AGBL1: variants seen among roughly 807,000 people sequenced by gnomAD.
The protein encoded by AGBL1 is AGBL carboxypeptidase 1, also known as cytosolic carboxypeptidase 4.
Under a neutral mutation model 118.9 loss-of-function variants are expected in AGBL1, and 130 were observed. The ratio of observed to expected loss-of-function variants is 1.09; its 90% CI spans 0.95 to 1.26. AGBL1 has a LOEUF of 1.26. AGBL1 is among the 50% of genes most tolerant of loss of function. The pLI is 0.00. For missense variants in AGBL1, 1,584 were observed against 1,298.1 expected (o/e 1.22, Z -3.38); for synonymous variants, 555 against 478.9 (o/e 1.16, Z -2.08).
In AGBL1 at chr15:86,178,939, A is replaced by G. The variant is rs375797673; in HGVS notation, c.488+19913A>G. On this transcript the variant is annotated intron_variant, in intron 5 of 22. Transcript: ENST00000614907. ...GAGGGGCTCCTGGGCTCTCAATGCA[A>G]TAGAAATTGACATGGGGCCAAAGGC... Among the ~76,000 whole-genome samples the G allele has an allele frequency of 1.5e-3, 232 of 152,310 alleles. 4 individuals carry two copies. The South Asian group carries it at 0.046, about 30-fold the overall frequency.
intron 17 of AGBL1, among the ~76,000 whole-genome samples, chr15:86,305,645 C>T (rs1406798117): frequency 2.0e-5 from 3 of 152,100 alleles, no homozygotes; most frequent in Non-Finnish European, 4.4e-5. Context: ...ACTCCATATT[C>T]CTCCTATTAC....
intron 24 of AGBL1, among the ~76,000 whole-genome samples, chr15:87,026,484 A>C (rs1225246247): frequency 6.6e-6 from 1 of 152,058 alleles, no homozygotes; most frequent in Non-Finnish European, 1.5e-5. Flanking sequence ...TAATCAAAAA[A>C]TCAAAAAAAT....
chr15:86,503,373 A>G (rs1288619638), intron 18 of AGBL1, among the ~76,000 whole-genome samples: 2 of 151,224 alleles, frequency 1.3e-5, no homozygotes, highest in African/African-American at 2.4e-5. Flanking sequence ...TCAGTTTTCA[A>G]AGAACCAACT....
intron 17 of AGBL1, among the ~76,000 whole-genome samples, chr15:86,364,145 A>G (rs1567218972): frequency 6.6e-6 from 1 of 152,068 alleles, no homozygotes; most frequent in Non-Finnish European, 1.5e-5. Flanking sequence ...TCTTTTCTTC[A>G]GACGCCATCA....
chr15:86,287,336 A>T (rs553143811), intron 16 of AGBL1, among the ~76,000 whole-genome samples: 1 of 152,114 alleles, frequency 6.6e-6, no homozygotes, highest in South Asian at 2.1e-4. Context: ...TTCCTTTGCT[A>T]TGCAGATGCC....
At chr15:86,936,155 C>T (rs1477563060) in intron 23 of AGBL1, among the ~76,000 whole-genome samples, 1 of 152,218 alleles carries the variant, frequency 6.6e-6, no homozygotes, top group Non-Finnish European at 1.5e-5. Context: ...ATCTCAGCCA[C>T]ACTCGAGAGA....
intron 24 of AGBL1, among the ~76,000 whole-genome samples, chr15:86,996,059 A>C (rs1036706214): frequency 1.3e-5 from 2 of 152,060 alleles, no homozygotes; most frequent in Non-Finnish European, 2.9e-5. Context: ...TCAGCTTTGC[A>C]TTTTTTACAA....
chr15:86,702,355 G>T (rs2142650104), intron 22 of AGBL1, among the ~76,000 whole-genome samples: 1 of 152,250 alleles, frequency 6.6e-6, no homozygotes, highest in African/African-American at 2.4e-5. Context: ...TAGCAGGACA[G>T]AGATGGCCTT....
At chr15:86,468,863 C>T (rs1387475346) in intron 18 of AGBL1, among the ~76,000 whole-genome samples, 4 of 152,220 alleles carry the variant, frequency 2.6e-5, no homozygotes, top group East Asian at 1.9e-4. Context: ...GGGGAATAGA[C>T]ATTTTTGCCT....
intron 18 of AGBL1, among the ~76,000 whole-genome samples, chr15:86,501,567 T>C (rs2082917408): frequency 6.6e-6 from 1 of 151,668 alleles, no homozygotes; most frequent in Non-Finnish European, 1.5e-5. Context: ...TTCTAGGAGT[T>C]TTATAATTTT....
Position 86,224,926 on chromosome 15 carries a change from A to T in AGBL1, c.501A>T (p.Glu167Asp). 6.2e-7 allele frequency: 1 copy of T among 1,613,224 alleles called. No homozygotes were observed. The highest frequency in any genetic ancestry group is 8.5e-7 in the Non-Finnish European group (1 of 1,179,530). Residue 167 changes from glutamate to aspartate, a missense_variant, in exon 6 of 23, where the codon GAA (glutamate) becomes GAT (aspartate). Physicochemically the swap from Glu to Asp is conservative, Grantham distance 45. Coordinates refer to ENST00000614907, the MANE Select transcript of AGBL1 (RefSeq NM_001386094.1). ...KRTQAIRAAT[E>D]VLAALLKSKS... ...TCTCTTTCCCCAGGGCAGCCACTGAAGTTTTGGCAGCATTGCTGAAATCCA... is the reference window on the plus strand; with the variant it reads ...TCTCTTTCCCCAGGGCAGCCACTGATGTTTTGGCAGCATTGCTGAAATCCA...
At chr15:86,457,256 T>A (rs1420125235) in intron 18 of AGBL1, among the ~76,000 whole-genome samples, 1 of 152,192 alleles carries the variant, frequency 6.6e-6, no homozygotes, top group African/African-American at 2.4e-5. Flanking sequence ...GCATTTGGCC[T>A]GTTAGATGTG....
intron 24 of AGBL1, among the ~76,000 whole-genome samples, chr15:86,992,197 G>C (rs1326887829): frequency 6.6e-6 from 1 of 151,888 alleles, no homozygotes; most frequent in Non-Finnish European, 1.5e-5. Context: ...TAAACAACCA[G>C]ATCTCATGTG....
intron 1 of AGBL1, among the ~76,000 whole-genome samples, chr15:86,090,443 A>G (rs547152401): frequency 3.8e-4 from 58 of 152,326 alleles, no homozygotes; most frequent in Admixed American, 7.2e-4. Flanking sequence ...ACATATAGCA[A>G]TGAGATGTTT....
At chr15:86,278,057 C>T (rs1186306458) in intron 15 of AGBL1, among the ~76,000 whole-genome samples, 4 of 152,226 alleles carry the variant, frequency 2.6e-5, no homozygotes, top group African/African-American at 9.6e-5. Flanking sequence ...GCATATGTAA[C>T]TTGCATGCTT....
At chr15:86,548,629 C>A (rs1324528336) in intron 20 of AGBL1, among the ~76,000 whole-genome samples, 1 of 147,856 alleles carries the variant, frequency 6.8e-6, no homozygotes, top group Non-Finnish European at 1.5e-5. Flanking sequence ...GCAGTTTTAC[C>A]AACAGAAGGA....
chr15:86,928,194 A>G (rs929932270), intron 23 of AGBL1, among the ~76,000 whole-genome samples: 3 of 152,318 alleles, frequency 2.0e-5, no homozygotes, highest in East Asian at 1.9e-4. Flanking sequence ...ATGAAGAACA[A>G]TATGCAAACT....
chr15:86,766,273 A>G (rs186860238), intron 22 of AGBL1, among the ~76,000 whole-genome samples: 96 of 152,040 alleles, frequency 6.3e-4, no homozygotes, highest in Admixed American at 4.6e-3. Flanking sequence ...CTCCTAGATC[A>G]AGACCATTTT....
chr15:86,815,492 A>G (rs2078845894), intron 22 of AGBL1, among the ~76,000 whole-genome samples: 1 of 152,140 alleles, frequency 6.6e-6, no homozygotes, highest in Admixed American at 6.6e-5. Context: ...CAAAATGTTC[A>G]TATTTAGAAA....
Sources: allele counts gnomAD v4.1 joint callset (sites outside exome capture counted in the v4.1 genomes callset), GRCh38; gene constraint gnomAD v4.1.1; transcripts MANE v1.5; gene names NCBI Gene and HGNC (gene_info 2026-07-23, HGNC 2026-07-21).